CSMD2: variants seen among roughly 807,000 people sequenced by gnomAD.
CSMD2 encodes CUB and sushi domain-containing protein 2.
A neutral mutation model predicts 398.5 loss-of-function variants in CSMD2; 130 were observed. The ratio of observed to expected loss-of-function variants is 0.33; its 90% CI spans 0.28 to 0.38. The LOEUF (loss-of-function observed/expected upper bound fraction) is 0.38, where lower values mean the gene tolerates loss of function less well. CSMD2 is among the 10% of genes least tolerant of loss of function. The pLI, the probability that CSMD2 is intolerant of heterozygous loss-of-function variation, is 1.00. For synonymous variants in CSMD2, 1,828 were observed against 1,908.5 expected, an observed-to-expected ratio of 0.96 and a Z score of 1.10; for missense variants, 3,829 against 4,764.9, an observed-to-expected ratio of 0.80 and a Z score of 5.78.
intron 5 of CSMD2, among the ~76,000 whole-genome samples, chr1:33,905,090 C>T (rs1354624394): frequency 2.0e-5 from 3 of 152,248 alleles, no homozygotes; most frequent in South Asian, 2.1e-4. Context: ...GAGGCACATG[C>T]CACTGTGCCC....
intron 2 of CSMD2, among the ~76,000 whole-genome samples, chr1:34,060,543 G>A (rs1246228807): frequency 6.6e-6 from 1 of 152,104 alleles, no homozygotes; most frequent in Non-Finnish European, 1.5e-5. Context: ...CCTCCCCAGC[G>A]TACCTCGCCC....
At chr1:33,530,369 A>G (rs1655127816) in intron 64 of CSMD2, among the ~76,000 whole-genome samples, 2 of 152,262 alleles carry the variant, frequency 1.3e-5, no homozygotes, top group South Asian at 4.1e-4. Flanking sequence ...CCATCAGGGA[A>G]ATGCAAGTGA....
chr1:34,066,333 C>T (rs1383864955), intron 2 of CSMD2, among the ~76,000 whole-genome samples: 1 of 152,150 alleles, frequency 6.6e-6, no homozygotes, highest in Non-Finnish European at 1.5e-5. Context: ...CCACCCTACT[C>T]GTTGCTCATT....
chr1:33,639,877 G>A (rs527830783), intron 29 of CSMD2, among the ~76,000 whole-genome samples: 2 of 152,182 alleles, frequency 1.3e-5, no homozygotes, highest in Non-Finnish European at 2.9e-5. Context: ...TTTCCAAGCC[G>A]TTATCTCATT....
Position 33,537,224 on chromosome 1 carries a change from C to T in CSMD2, c.9806-129G>A, listed in dbSNP as rs889322980. On this transcript the variant is annotated intron_variant, in intron 61 of 70. Transcript: ENST00000373381. The surrounding 1 kb of genome is among the most constrained non-coding windows in gnomAD (Gnocchi z 4.6). ...TGACTTCCCTGCCCACTGAGATCCC[C>T]ACCTGAGCCTTGGCCCTGGCTGTCT... is the stretch of plus-strand genomic sequence containing the variant. The T allele has an allele frequency of 2.6e-6, 3 of 1,149,452 alleles. No homozygotes were observed. The highest frequency in any genetic ancestry group is 2.6e-6 in the Non-Finnish European group (2 of 782,788). The allele number at this position is 1,149,452 out of a possible 1,614,324, so 71.2% of individuals were successfully genotyped here.
intron 44 of CSMD2, chr1:33,599,456 T>C (rs1328989121): frequency 6.6e-6 from 1 of 152,256 alleles, no homozygotes; most frequent in Non-Finnish European, 1.5e-5. Context: ...TTTCCAAGCA[T>C]TGTTTCATTT....
At chr1:33,693,181 G>A in intron 24 of CSMD2, 125 bp from the exon 25 acceptor site, 2 of 1,112,012 alleles carry the variant, frequency 1.8e-6, no homozygotes, top group Non-Finnish European at 2.5e-6. Flanking sequence ...AAGTGATTGA[G>A]CACAGCATAT....
At chr1:33,625,485 C>G (rs1288908666) in intron 33 of CSMD2, among the ~76,000 whole-genome samples, 1 of 152,160 alleles carries the variant, frequency 6.6e-6, no homozygotes, top group Non-Finnish European at 1.5e-5. Flanking sequence ...GAGGTAGAGC[C>G]GTGGACCTCC....
At chr1:33,599,104 T>C (rs1472098109) in intron 44 of CSMD2, 1 of 152,248 alleles carries the variant, frequency 6.6e-6, no homozygotes, top group Non-Finnish European at 1.5e-5. Flanking sequence ...TGTCAGCATA[T>C]GAATTCTAGG....
In CSMD2 at chr1:33,608,255, A is replaced by T. The variant is rs114998243; in HGVS notation, c.6344-2785T>A. ...ACACAGGCACAACCTTTACAAGGAC[A>T]AGTGGGCTCATCACACGGGGAGCAC... On this transcript the variant is annotated intron_variant, in intron 41 of 70. Coordinates refer to ENST00000373381, the MANE Select transcript of CSMD2 (RefSeq NM_001281956.2). 3.2e-3 allele frequency among the ~76,000 whole-genome samples: 480 copies of T among 152,290 alleles called. 2 individuals carry two copies. The highest frequency in any genetic ancestry group is 0.01 in the Middle Eastern group (3 of 294).
Position 33,700,956 on chromosome 1 carries a change from T to C in CSMD2, c.3577-283A>G, listed in dbSNP as rs188235417. ...AATCTTTCCAGTGGAGATTTGTTCT[T>C]GTTCCCGCAATGCCCATATAGCACC... On this transcript the variant is annotated intron_variant, in intron 22 of 70. Coordinates refer to ENST00000373381, the MANE Select transcript of CSMD2 (RefSeq NM_001281956.2). Among the ~76,000 whole-genome samples the C allele has an allele frequency of 1.1e-4, 17 of 152,362 alleles. No individual in the cohort carries two copies. The East Asian group carries it at 2.7e-3, about 24-fold the overall frequency.
At chr1:33,846,625 G>A (rs1377235397) in intron 6 of CSMD2, among the ~76,000 whole-genome samples, 1 of 152,162 alleles carries the variant, frequency 6.6e-6, no homozygotes, top group Admixed American at 6.5e-5. Context: ...GCAGGCATCT[G>A]GTATTAACTA....
At chr1:33,776,693 G>T (rs943896938) in intron 12 of CSMD2, among the ~76,000 whole-genome samples, 27 of 152,220 alleles carry the variant, frequency 1.8e-4, no homozygotes, top group Non-Finnish European at 2.2e-4. Context: ...AGTGAGGGGG[G>T]ATTGGGCTTG....
intron 28 of CSMD2, among the ~76,000 whole-genome samples, chr1:33,647,986 A>G (rs528547994): frequency 6.6e-6 from 1 of 152,312 alleles, no homozygotes; most frequent in African/African-American, 2.4e-5. Context: ...AGATTACACA[A>G]TTTTGACTAA....
At chr1:34,060,004 C>T (rs545416372) in intron 2 of CSMD2, among the ~76,000 whole-genome samples, 102 of 152,272 alleles carry the variant, frequency 6.7e-4, no homozygotes, top group Non-Finnish European at 1.3e-3. Flanking sequence ...GCCATGGCTG[C>T]GATTGGCTCC....
intron 1 of CSMD2, among the ~76,000 whole-genome samples, chr1:34,122,960 A>C (rs548403593): frequency 6.6e-6 from 1 of 152,272 alleles, no homozygotes; most frequent in Admixed American, 6.5e-5. Context: ...TGCCTCATGA[A>C]ATTCTCCCAA....
At chr1:33,675,947 TG>T (rs1644693486) in intron 25 of CSMD2, among the ~76,000 whole-genome samples, 2 of 152,334 alleles carry the variant, frequency 1.3e-5, no homozygotes, top group Non-Finnish European at 2.9e-5. Context: ...TAGGTATTGA[TG>T]GGACGTATCT....
chr1:33,720,990 G>A (rs1241393051), intron 19 of CSMD2, among the ~76,000 whole-genome samples: 1 of 152,198 alleles, frequency 6.6e-6, no homozygotes, highest in Non-Finnish European at 1.5e-5. Context: ...ATGAGCCACC[G>A]TGCCTGGCCT....
chr1:34,117,610 A>G (rs766722318), intron 1 of CSMD2, among the ~76,000 whole-genome samples: 1 of 152,094 alleles, frequency 6.6e-6, no homozygotes, highest in Non-Finnish European at 1.5e-5. Flanking sequence ...TAATTTTATG[A>G]GCCTAGCATT....
Sources: allele counts gnomAD v4.1 joint callset (sites outside exome capture counted in the v4.1 genomes callset), GRCh38; gene constraint gnomAD v4.1.1; non-coding constraint Gnocchi (gnomAD v3.1); transcripts MANE v1.5; gene names NCBI Gene and HGNC (gene_info 2026-07-23, HGNC 2026-07-21).